ZFHX3: variants seen among roughly 807,000 people sequenced by gnomAD.
The protein encoded by ZFHX3 is zinc finger homeobox protein 3.
Under a neutral mutation model 279.1 loss-of-function variants are expected in ZFHX3, and 42 were observed. The observed-to-expected ratio is 0.15, with a 90% CI of 0.12 to 0.19. The LOEUF (loss-of-function observed/expected upper bound fraction) is 0.19, where lower values mean the gene tolerates loss of function less well. Among genes scored for constraint, ZFHX3 ranks in the 10% least tolerant of loss-of-function variants. The pLI, the probability that ZFHX3 is intolerant of heterozygous loss-of-function variation, is 1.00. For missense variants in ZFHX3, 4,981 were observed against 4,754.0 expected (o/e 1.05, Z -1.40); for synonymous variants, 2,293 against 1,957.8 (o/e 1.17, Z -4.52).
chr16:72,946,431 C>G (rs932541181), intron 3 of ZFHX3, among the ~76,000 whole-genome samples: 3 of 152,192 alleles, frequency 2.0e-5, no homozygotes, highest in African/African-American at 7.2e-5. Flanking sequence ...GTAACAGATT[C>G]TGGTAGGGTC....
chr16:73,211,549 T>A (rs943467069), intron 5 of ZFHX3, among the ~76,000 whole-genome samples: 2 of 152,136 alleles, frequency 1.3e-5, no homozygotes, highest in Admixed American at 6.5e-5. Flanking sequence ...AATGAAGGCA[T>A]CCTGCTAGAT....
chr16:73,817,915 G>C (rs567049014), intron 1 of ZFHX3, among the ~76,000 whole-genome samples: 2 of 152,290 alleles, frequency 1.3e-5, no homozygotes, highest in East Asian at 3.9e-4. Flanking sequence ...AAAGTGCCAA[G>C]GGTTACCATT....
intron 2 of ZFHX3, among the ~76,000 whole-genome samples, chr16:73,676,354 G>T (rs931828672): frequency 2.6e-5 from 4 of 151,982 alleles, no homozygotes; most frequent in Admixed American, 6.6e-5. Context: ...GTTGCAGGGT[G>T]GGGGAGATGA....
chr16:73,316,828 T>C (rs1038400080), intron 4 of ZFHX3, among the ~76,000 whole-genome samples: 3 of 152,146 alleles, frequency 2.0e-5, no homozygotes, highest in Non-Finnish European at 4.4e-5. Context: ...AATCCGGATA[T>C]GGTGGAGAAA....
At chr16:73,001,008 C>G (rs1963476693) in intron 1 of ZFHX3, among the ~76,000 whole-genome samples, 1 of 152,250 alleles carries the variant, frequency 6.6e-6, no homozygotes, top group Admixed American at 6.5e-5. Context: ...GCATTCACAC[C>G]CTTGTGTAGT....
chr16:72,941,845 C>A (rs1378734680), intron 3 of ZFHX3, among the ~76,000 whole-genome samples: 1 of 152,182 alleles, frequency 6.6e-6, no homozygotes, highest in Non-Finnish European at 1.5e-5. Context: ...AAAATTTTAA[C>A]TTTCATTCTA....
chr16:73,462,704 T>C (rs1340145010), intron 2 of ZFHX3, among the ~76,000 whole-genome samples: 1 of 152,194 alleles, frequency 6.6e-6, no homozygotes, highest in African/African-American at 2.4e-5. Flanking sequence ...CCTGTTAATA[T>C]GGTGGATTAT....
At chr16:73,686,779 C>A in intron 1 of ZFHX3, among the ~76,000 whole-genome samples, 1 of 151,854 alleles carries the variant, frequency 6.6e-6, no homozygotes, top group East Asian at 1.9e-4. Flanking sequence ...GTTTGTAGCA[C>A]ATGTTTCTGG....
rs932899678 is a variant in ZFHX3 at position 73,792,858 on chromosome 16, C to CG, written c.-1608+98792_-1608+98793insC. On this transcript the variant is annotated intron_variant, in intron 1 of 17. Transcript: ENST00000641206. ...TTTGGCCCTTGACCATACAGTGCACCCCCCCCCTCCCCTCTCTGCTGTGAA... is the reference window on the plus strand; with the variant it reads ...TTTGGCCCTTGACCATACAGTGCACCGCCCCCCCTCCCCTCTCTGCTGTGAA... Among the ~76,000 whole-genome samples the CG allele has an allele frequency of 7.8e-4, 108 of 138,444 alleles. 1 individual carries two copies. The highest frequency in any genetic ancestry group is 1.1e-3 in the Non-Finnish European group (73 of 64,330). 90.8% of individuals were successfully genotyped at this position (138,444 alleles called of 152,430 possible).
chr16:73,146,988 T>C (rs1173045201), intron 5 of ZFHX3, among the ~76,000 whole-genome samples: 3 of 152,148 alleles, frequency 2.0e-5, no homozygotes, highest in Non-Finnish European at 4.4e-5. Context: ...CTCTTATTAA[T>C]AGAAGTAGTA....
intron 5 of ZFHX3, among the ~76,000 whole-genome samples, chr16:73,248,947 G>C (rs1456032771): frequency 6.6e-6 from 1 of 152,112 alleles, no homozygotes. Context: ...CTGGCCCAGC[G>C]CCCAAGGCAT....
chr16:73,483,303 G>C (rs1269809977), intron 2 of ZFHX3: 1 of 445,330 alleles, frequency 2.2e-6, no homozygotes, highest in African/African-American at 2.1e-5. Context: ...GCCTCCGAGA[G>C]AGAGCGAGAG....
At chr16:73,064,842 G>T (rs761699926) in intron 8 of ZFHX3, among the ~76,000 whole-genome samples, 3 of 152,228 alleles carry the variant, frequency 2.0e-5, no homozygotes, top group Non-Finnish European at 4.4e-5. Context: ...GCGCGGAGCC[G>T]GTGGCTCTCC....
rs80118094 is a variant in ZFHX3 at position 73,355,518 on chromosome 16, G to C, written c.-1290-37182C>G. Among the ~76,000 whole-genome samples, 1,443 of 152,324 alleles carry C rather than the reference G, an allele frequency of 9.5e-3. 24 individuals are homozygous for C. Among genetic ancestry groups the C allele is most frequent in the East Asian group, 0.052 (271 of 5,180 alleles). On this transcript the variant is annotated intron_variant, in intron 3 of 17. Coordinates refer to the ZFHX3 transcript ENST00000641206. The stretch of plus-strand genomic sequence containing the variant: ...CCTCTTCCTGAATAGGGACACTAAA[G>C]AGCAGGGCAGGAGCTGGGATGGTCT...
intron 2 of ZFHX3, among the ~76,000 whole-genome samples, chr16:73,603,234 A>C (rs35959733): frequency 2.0e-5 from 3 of 149,850 alleles, no homozygotes; most frequent in East Asian, 4.0e-4. Context: ...GCAGTGAGCC[A>C]AGATTGCGAC....
intron 3 of ZFHX3, among the ~76,000 whole-genome samples, chr16:73,353,197 G>A (rs1030283245): frequency 5.3e-5 from 8 of 152,210 alleles, no homozygotes; most frequent in Non-Finnish European, 1.2e-4. Flanking sequence ...GACACAGTTA[G>A]AACCCGTCTG....
intron 1 of ZFHX3, among the ~76,000 whole-genome samples, chr16:73,877,893 C>A (rs1055031550): frequency 7.2e-5 from 11 of 151,956 alleles, no homozygotes; most frequent in South Asian, 4.2e-4. Context: ...TCAACTCCCC[C>A]CAAAAAAGAA....
At chr16:73,339,907 T>A (rs577679706) in intron 3 of ZFHX3, among the ~76,000 whole-genome samples, 3 of 152,358 alleles carry the variant, frequency 2.0e-5, no homozygotes, top group Admixed American at 1.3e-4. Context: ...GGCATTTATA[T>A]GATTCAGCAG....
chr16:73,641,489 ATC>A (rs1423309189), intron 2 of ZFHX3, among the ~76,000 whole-genome samples: 3 of 152,148 alleles, frequency 2.0e-5, no homozygotes, highest in Non-Finnish European at 4.4e-5. Flanking sequence ...TATGGGTAAA[ATC>A]TCTGAGAAAA....
Sources: allele counts gnomAD v4.1 joint callset (sites outside exome capture counted in the v4.1 genomes callset), GRCh38; gene constraint gnomAD v4.1.1; transcripts MANE v1.5; gene names NCBI Gene and HGNC (gene_info 2026-07-23, HGNC 2026-07-21).